TUSC3: variants seen among roughly 807,000 people sequenced by gnomAD.
The protein encoded by TUSC3 is tumor suppressor candidate 3.
A neutral mutation model predicts 44.8 loss-of-function variants in TUSC3; 45 were observed. The ratio of observed to expected loss-of-function variants is 1.00; its 90% CI spans 0.79 to 1.29. The LOEUF (loss-of-function observed/expected upper bound fraction) is 1.29. Ranked by LOEUF, TUSC3 falls within the 50% of genes most tolerant of loss-of-function variation. The pLI is 0.00. For synonymous variants in TUSC3, 212 were observed against 152.9 expected, an observed-to-expected ratio of 1.39 and a Z score of -2.85; for missense variants, 519 against 437.9, an observed-to-expected ratio of 1.19 and a Z score of -1.65.
chr8:15,570,264 TTA>T (rs1491536717), intron 1 of TUSC3, among the ~76,000 whole-genome samples: 5 of 81,216 alleles, frequency 6.2e-5, no homozygotes, highest in Admixed American at 1.4e-4. Context: ...ATAATGTATT[TTA>T]CACACACACA....
intron 2 of TUSC3, among the ~76,000 whole-genome samples, chr8:15,630,868 A>G (rs1805731043): frequency 6.6e-6 from 1 of 152,194 alleles, no homozygotes; most frequent in Non-Finnish European, 1.5e-5. Context: ...GTTTCCTTAC[A>G]GAGAGGTCAC....
At chr8:15,477,925 A>G (rs1800602490) in intron 1 of TUSC3, among the ~76,000 whole-genome samples, 1 of 152,084 alleles carries the variant, frequency 6.6e-6, no homozygotes, top group African/African-American at 2.4e-5. Flanking sequence ...TAAAAGATCT[A>G]TAGAAATTTT....
chr8:15,659,595 G>C lies in TUSC3; in HGVS notation c.515G>C (p.Gly172Ala). Residue 172 changes from glycine to alanine, a missense_variant, in exon 4 of 11, where the codon GGA becomes GCA. Physicochemically the swap from Gly to Ala is moderately conservative, Grantham distance 60. Transcript: ENST00000503731. Reference sequence around the variant, plus strand: ...GATACTTTTGACCTCCAAAGAATTGGATTTGCAGCTGAGCAACTAGCAAAG... The same window carrying C: ...GATACTTTTGACCTCCAAAGAATTGCATTTGCAGCTGAGCAACTAGCAAAG... ...RADTFDLQRI[G>A]FAAEQLAKWI... 6.2e-7 allele frequency: 1 copy of C among 1,613,456 alleles called. No homozygotes were observed. The highest frequency in any genetic ancestry group is 8.5e-7 in the Non-Finnish European group (1 of 1,179,704).
chr8:15,564,798 G>C (rs1429006621), intron 1 of TUSC3, among the ~76,000 whole-genome samples: 1 of 152,042 alleles, frequency 6.6e-6, no homozygotes, highest in Non-Finnish European at 1.5e-5. Context: ...TTGTGCTGGA[G>C]TGTCCACTCC....
At chr8:15,648,168 T>C (rs1000727253) in intron 2 of TUSC3, among the ~76,000 whole-genome samples, 8 of 152,194 alleles carry the variant, frequency 5.3e-5, no homozygotes, top group Admixed American at 3.9e-4. Context: ...ATTCCACCTA[T>C]GTTGTTTTTG....
intron 1 of TUSC3, among the ~76,000 whole-genome samples, chr8:15,458,267 C>G (rs1396976231): frequency 1.3e-5 from 2 of 152,056 alleles, no homozygotes; most frequent in Non-Finnish European, 1.5e-5. Context: ...AAGACAAGGT[C>G]TTACTCTGTG....
At chr8:15,772,115 T>A in the TUSC3 span, among the ~76,000 whole-genome samples, 5 of 151,334 alleles carry the variant, frequency 3.3e-5, no homozygotes, top group East Asian at 9.8e-4. Flanking sequence ...AAAAGAAAGA[T>A]CTTGAATTAA....
the TUSC3 span, among the ~76,000 whole-genome samples, chr8:15,795,248 T>C: frequency 1.3e-5 from 2 of 152,158 alleles, no homozygotes; most frequent in Non-Finnish European, 2.9e-5. Context: ...TATAGCAGGA[T>C]GCATTAGCAT....
At chr8:15,602,388 A>G (rs896725704) in intron 1 of TUSC3, among the ~76,000 whole-genome samples, 4 of 151,722 alleles carry the variant, frequency 2.6e-5, no homozygotes, top group Admixed American at 6.6e-5. Context: ...GAGGAAAAAT[A>G]CTAAATAAGT....
chr8:15,806,650 T>TGA, the TUSC3 span: 1 of 1,215,112 alleles, frequency 8.2e-7, no homozygotes, highest in Non-Finnish European at 1.2e-6. Context: ...CAGGCTCTGG[T>TGA]GAGACAAGCT....
At chr8:15,467,843 G>T (rs1585055960) in intron 1 of TUSC3, among the ~76,000 whole-genome samples, 1 of 152,100 alleles carries the variant, frequency 6.6e-6, no homozygotes, top group East Asian at 1.9e-4. Context: ...CTAACCTAAA[G>T]TTTTTTATCC....
intron 2 of TUSC3, among the ~76,000 whole-genome samples, chr8:15,647,689 C>G (rs991294510): frequency 6.6e-6 from 1 of 152,104 alleles, no homozygotes; most frequent in East Asian, 1.9e-4. Context: ...CCTTTTCTAT[C>G]AGTTATATTT....
At chr8:15,748,668 A>G (rs767430865) in intron 9 of TUSC3, 1 of 727,418 alleles carries the variant, frequency 1.4e-6, no homozygotes, top group Non-Finnish European at 2.5e-6. Context: ...GTTCCCTGAC[A>G]GCATGTAGTT....
intron 1 of TUSC3, among the ~76,000 whole-genome samples, chr8:15,604,232 C>CT (rs1804425130): frequency 6.6e-6 from 1 of 151,350 alleles, no homozygotes; most frequent in Admixed American, 6.6e-5. Context: ...ATGGGTGCGT[C>CT]TTTATACACA....
intron 1 of TUSC3, among the ~76,000 whole-genome samples, chr8:15,479,762 T>C (rs749715008): frequency 2.6e-5 from 4 of 152,134 alleles, no homozygotes; most frequent in Non-Finnish European, 4.4e-5. Flanking sequence ...CTTGGCTATA[T>C]TGGCTCTTTT....
At chr8:15,745,196 G>GTA (rs1158542688) in intron 8 of TUSC3, among the ~76,000 whole-genome samples, 3 of 151,918 alleles carry the variant, frequency 2.0e-5, no homozygotes. Flanking sequence ...CATTGATGTG[G>GTA]TATATATGTA....
intron 2 of TUSC3, among the ~76,000 whole-genome samples, chr8:15,649,203 A>G (rs375210538): frequency 6.6e-6 from 1 of 152,094 alleles, no homozygotes; most frequent in East Asian, 1.9e-4. Context: ...GTTTTCCTCA[A>G]ATACATGTTT....
In TUSC3 at chr8:15,659,649, T is replaced by C. The variant is rs1463443736; in HGVS notation, c.567+2T>C. ...ATTGCTGACAGAACGGATGTTCATGTATGTTTTTATTCCTCACAGTTTTAA... is the reference window on the plus strand; with the variant it reads ...ATTGCTGACAGAACGGATGTTCATGCATGTTTTTATTCCTCACAGTTTTAA... On this transcript the variant is annotated splice_donor_variant, in intron 4 of 10. Coordinates refer to ENST00000503731, the MANE Select transcript of TUSC3 (RefSeq NM_006765.4). LOFTEE classifies it high-confidence loss of function. The C allele has an allele frequency of 6.2e-7, 1 of 1,612,318 alleles. No individual in the cohort carries two copies. The highest frequency in any genetic ancestry group is 8.5e-7 in the Non-Finnish European group (1 of 1,179,424).
chr8:15,754,805 T>C (rs967174932), intron 9 of TUSC3, among the ~76,000 whole-genome samples: 102 of 152,106 alleles, frequency 6.7e-4, no homozygotes, highest in Non-Finnish European at 1.1e-3. Flanking sequence ...TTTTTTTACA[T>C]TTTTTCCTCA....
Sources: allele counts gnomAD v4.1 joint callset (sites outside exome capture counted in the v4.1 genomes callset), GRCh38; gene constraint gnomAD v4.1.1; transcripts MANE v1.5; gene names NCBI Gene and HGNC (gene_info 2026-07-23, HGNC 2026-07-21).